MACROD2: variants seen among roughly 807,000 people sequenced by gnomAD.
MACROD2 encodes the protein mono-ADP ribosylhydrolase 2.
A neutral mutation model predicts 70.4 loss-of-function variants in MACROD2; 36 were observed. That is an observed-to-expected ratio of 0.51 (90% CI 0.39 to 0.68). The LOEUF is 0.68. Ranked by LOEUF, MACROD2 falls within the 30% of genes least tolerant of loss-of-function variation. The pLI, the probability that MACROD2 is intolerant of heterozygous loss-of-function variation, is 0.00. For missense variants in MACROD2, 496 were observed against 538.4 expected (o/e 0.92, Z 0.78); for synonymous variants, 172 against 178.8 (o/e 0.96, Z 0.30).
At position 14,907,106 on chromosome 20, in the gene MACROD2, C is replaced by T. The variant is rs146661123; in HGVS notation, c.418+222147C>T. Among the ~76,000 whole-genome samples the T allele has an allele frequency of 1.2e-3, 187 of 152,308 alleles. 2 individuals carry two copies. Among genetic ancestry groups the T allele is most frequent in the African/African-American group, 4.2e-3 (173 of 41,560 alleles). On this transcript the variant is annotated intron_variant, in intron 5 of 17. Transcript: ENST00000684519. ...CACACCTACCAGTGTGCCATGTCAG[C>T]TTACCATTGCTATGGCAACACCTGG...
intron 8 of MACROD2, among the ~76,000 whole-genome samples, chr20:15,811,207 C>T (rs2063817955): frequency 6.6e-6 from 1 of 151,774 alleles, no homozygotes; most frequent in African/African-American, 2.4e-5. Flanking sequence ...GGGCTAATAT[C>T]CAGAATCTAC....
chr20:15,442,903 T>G (rs2046514756), intron 7 of MACROD2, among the ~76,000 whole-genome samples: 1 of 152,118 alleles, frequency 6.6e-6, no homozygotes, highest in Admixed American at 6.6e-5. Context: ...TGCTTACAAA[T>G]TTGAAAGTAT....
chr20:15,648,059 G>A (rs773461839), intron 8 of MACROD2, among the ~76,000 whole-genome samples: 7 of 152,072 alleles, frequency 4.6e-5, no homozygotes, highest in Non-Finnish European at 1.0e-4. Context: ...CTTTCTTGGC[G>A]TATGCATGTG....
chr20:14,735,762 A>T (rs763153689), intron 5 of MACROD2, among the ~76,000 whole-genome samples: 4 of 152,110 alleles, frequency 2.6e-5, no homozygotes, highest in Non-Finnish European at 2.9e-5. Flanking sequence ...AGGTGGAAGG[A>T]TCACCTGATC....
chr20:14,441,461 A>G (rs1302428667), intron 3 of MACROD2, among the ~76,000 whole-genome samples: 1 of 152,222 alleles, frequency 6.6e-6, no homozygotes, highest in Admixed American at 6.5e-5. Flanking sequence ...GTTATACAGC[A>G]GTGGATAACT....
chr20:14,467,525 T>C (rs1660286430), intron 3 of MACROD2, among the ~76,000 whole-genome samples: 1 of 152,046 alleles, frequency 6.6e-6, no homozygotes, highest in Admixed American at 6.5e-5. Flanking sequence ...TCACGCATGG[T>C]GCGCTGCCCC....
intron 5 of MACROD2, among the ~76,000 whole-genome samples, chr20:14,728,912 C>CATT (rs1353102568): frequency 1.3e-5 from 2 of 152,010 alleles, no homozygotes; most frequent in African/African-American, 4.8e-5. Flanking sequence ...TTAAAATAAA[C>CATT]ATTATGGTTA....
chr20:14,311,944 C>G (rs1568549684), intron 3 of MACROD2, among the ~76,000 whole-genome samples: 1 of 152,146 alleles, frequency 6.6e-6, no homozygotes, highest in Non-Finnish European at 1.5e-5. Context: ...GTGAATTATA[C>G]TATAAAATAT....
chr20:14,326,677 T>C lies in MACROD2; in HGVS notation c.272-166802T>C, dbSNP rs2082740763. On this transcript the variant is annotated intron_variant, in intron 3 of 17. Transcript: ENST00000684519. The surrounding 1 kb of genome is among the most constrained non-coding windows in gnomAD (Gnocchi z 5.5). ...ATTACTTAGGTTATTATTGGACATA[T>C]CCAGTCGATAGAGCTGCCTTAGATA... is the stretch of plus-strand genomic sequence containing the variant. 1 of 1,613,786 alleles carries C rather than the reference T, an allele frequency of 6.2e-7. No individual in the cohort carries two copies. Among genetic ancestry groups the C allele is most frequent in the African/African-American group, 1.3e-5 (1 of 75,012 alleles).
chr20:14,109,370 C>A (rs935824750), intron 3 of MACROD2, among the ~76,000 whole-genome samples: 11 of 151,364 alleles, frequency 7.3e-5, no homozygotes, highest in Non-Finnish European at 1.5e-4. Flanking sequence ...GCAAATAAAA[C>A]CCAAAATTAA....
intron 5 of MACROD2, among the ~76,000 whole-genome samples, chr20:14,988,150 G>T (rs547675741): frequency 1.3e-4 from 20 of 151,990 alleles, no homozygotes; most frequent in African/African-American, 4.6e-4. Context: ...GATCACCTGA[G>T]GTCAGGAGTT....
chr20:14,781,434 A>G (rs1433719155), intron 5 of MACROD2, among the ~76,000 whole-genome samples: 2 of 149,030 alleles, frequency 1.3e-5, no homozygotes, highest in Admixed American at 6.8e-5. Context: ...GTTTACTCTC[A>G]TGTCTGAATC....
chr20:15,115,081 G>A (rs901883605), intron 5 of MACROD2, among the ~76,000 whole-genome samples: 7 of 152,078 alleles, frequency 4.6e-5, no homozygotes, highest in Non-Finnish European at 1.0e-4. Flanking sequence ...AGCTCCACTA[G>A]ATTCTTCAAA....
chr20:15,461,905 G>A lies in MACROD2; in HGVS notation c.571+30470G>A, dbSNP rs535328581. On this transcript the variant is annotated intron_variant, in intron 7 of 17. Coordinates refer to ENST00000684519, the MANE Select transcript of MACROD2 (RefSeq NM_001351661.2). ...TTTTCTATGTAAAAACAACCAAGCT[G>A]TAGACTTCTTTGTGTAAATTTACTG... Among the ~76,000 whole-genome samples the A allele has an allele frequency of 4.6e-5, 7 of 152,168 alleles. No homozygotes were observed. In the South Asian group the frequency reaches 1.5e-3, roughly 32 times the overall value.
intron 6 of MACROD2, among the ~76,000 whole-genome samples, chr20:15,401,136 C>T (rs1210443218): frequency 1.3e-5 from 2 of 151,896 alleles, no homozygotes; most frequent in Non-Finnish European, 2.9e-5. Flanking sequence ...CTCCCAGGTT[C>T]ACGCCATTCT....
At chr20:15,780,839 G>C (rs1023210825) in intron 8 of MACROD2, among the ~76,000 whole-genome samples, 1 of 152,074 alleles carries the variant, frequency 6.6e-6, no homozygotes, top group African/African-American at 2.4e-5. Flanking sequence ...TCAGGACTAT[G>C]TGACATCTCA....
intron 5 of MACROD2, among the ~76,000 whole-genome samples, chr20:14,871,247 A>G (rs1406478472): frequency 6.6e-6 from 1 of 152,176 alleles, no homozygotes; most frequent in African/African-American, 2.4e-5. Flanking sequence ...AAAGAAAAAA[A>G]TGTTAAAGGC....
intron 8 of MACROD2, among the ~76,000 whole-genome samples, chr20:15,837,436 C>T (rs1039512584): frequency 1.3e-5 from 2 of 152,118 alleles, no homozygotes; most frequent in Admixed American, 1.3e-4. Context: ...CTCGTATCTA[C>T]CTCCAACATG....
chr20:14,272,743 G>A (rs1392220813), intron 3 of MACROD2, among the ~76,000 whole-genome samples: 3 of 152,080 alleles, frequency 2.0e-5, no homozygotes, highest in Non-Finnish European at 4.4e-5. Flanking sequence ...TTGTATTCAG[G>A]AAACCCATCT....
Sources: gnomAD v4.1 joint callset for allele counts (sites outside exome capture counted in the v4.1 genomes callset) on GRCh38, gnomAD v4.1.1 for gene constraint, Gnocchi (gnomAD v3.1) non-coding constraint, MANE v1.5 for transcripts, NCBI Gene and HGNC (gene_info 2026-07-23, HGNC 2026-07-21) for gene names.